Variants in ZMAT3 observed in about 807,000 individuals in gnomAD.
The protein encoded by ZMAT3 is zinc finger matrin-type 3, also known as zinc finger matrin-type protein 3.
A neutral mutation model predicts 32.3 loss-of-function variants in ZMAT3; 17 were observed. The ratio of observed to expected loss-of-function variants is 0.53; its 90% CI spans 0.36 to 0.79. The LOEUF (loss-of-function observed/expected upper bound fraction) is 0.79, where lower values mean the gene tolerates loss of function less well. Ranked by LOEUF, ZMAT3 falls within the 30% of genes least tolerant of loss-of-function variation. The pLI is 0.00. For missense variants in ZMAT3, 329 were observed against 359.7 expected, an observed-to-expected ratio of 0.91 and a Z score of 0.69; for synonymous variants, 120 against 133.1, an observed-to-expected ratio of 0.90 and a Z score of 0.68.
At chr3:179,044,052 T>C (rs1404261238) in intron 2 of ZMAT3, among the ~76,000 whole-genome samples, 1 of 152,096 alleles carries the variant, frequency 6.6e-6, no homozygotes, top group Non-Finnish European at 1.5e-5. Context: ...AGAATGGCAA[T>C]CATTAAAAAG....
chr3:179,039,261 T>C (rs1719779372), intron 2 of ZMAT3, among the ~76,000 whole-genome samples: 1 of 152,246 alleles, frequency 6.6e-6, no homozygotes, highest in South Asian at 2.1e-4. Flanking sequence ...CCTCTTCAAG[T>C]GGCTCCTTGA....
intron 2 of ZMAT3, among the ~76,000 whole-genome samples, chr3:179,037,227 G>A (rs1020693943): frequency 6.6e-6 from 1 of 152,172 alleles, no homozygotes; most frequent in African/African-American, 2.4e-5. Flanking sequence ...GGGACCGACT[G>A]AGCTGTAACA....
Position 179,019,542 on chromosome 3 carries a change from T to C in ZMAT3, c.*5475A>G, listed in dbSNP as rs759528853. On this transcript the variant is annotated 3_prime_UTR_variant, in exon 6 of 6. Coordinates refer to ENST00000311417, the MANE Select transcript of ZMAT3 (RefSeq NM_022470.4). ...TGATGGCAGAATCTAGCAGTGGTTA[T>C]ACTGCAAAGTTTTTTCAACTTTGAT... 1 of 152,170 alleles carries C rather than the reference T, an allele frequency of 6.6e-6. No individual in the cohort carries two copies. The highest frequency in any genetic ancestry group is 2.4e-5 in the African/African-American group (1 of 41,454). 9.4% of individuals were successfully genotyped at this position (152,170 alleles called of 1,614,324 possible). A position where few individuals can be genotyped will look rare whatever the true frequency, so the allele number is the denominator to read the frequency against.
rs2108525226 is a variant in ZMAT3 at position 179,019,154 on chromosome 3, A to C, written c.*5863T>G. 1 of 152,264 alleles carries C rather than the reference A, an allele frequency of 6.6e-6. No homozygotes were observed. The allele number at this position is 152,264 out of a possible 1,614,324, so 9.4% of individuals were successfully genotyped here. On this transcript the variant is annotated 3_prime_UTR_variant, in exon 6 of 6. Coordinates refer to ENST00000311417, the MANE Select transcript of ZMAT3 (RefSeq NM_022470.4). The stretch of plus-strand genomic sequence containing the variant: ...AAAAGAAAAATTATATTGAAACTTT[A>C]AAATTTATGACAAGCACTTAAAAAT...
At chr3:179,032,007 C>A (rs1161618015) in intron 2 of ZMAT3, among the ~76,000 whole-genome samples, 1 of 20,140 alleles carries the variant, frequency 5.0e-5, no homozygotes, top group Non-Finnish European at 8.7e-5. Flanking sequence ...CTCCCCCTCC[C>A]CCTCCTCCTC....
At position 179,067,629 on chromosome 3, in the gene ZMAT3, C is replaced by A; in HGVS notation, c.124G>T (p.Glu42Ter). 6.2e-7 allele frequency: 1 copy of A among 1,614,196 alleles called. No homozygotes were observed. Among genetic ancestry groups the A allele is most frequent in the Non-Finnish European group, 8.5e-7 (1 of 1,180,038 alleles). The change falls in exon 2 of 6, where the codon GAG becomes TAG. Residue 42 changes from glutamate to a stop codon, truncating the protein, a stop_gained. Coordinates refer to ENST00000311417, the MANE Select transcript of ZMAT3 (RefSeq NM_022470.4). LOFTEE classifies it high-confidence loss of function. Reference protein sequence around the residue: ...QLPPQKPFGQEASLPLAGEEE... With the variant: ...QLPPQKPFGQ The stretch of plus-strand genomic sequence containing the variant: ...TCCCCTGCAAGAGGCAAGGAAGCCT[C>A]CTGCCCAAAAGGCTTCTGTGGTGGA...
chr3:179,034,746 T>C (rs1027783529), intron 2 of ZMAT3, among the ~76,000 whole-genome samples: 2 of 152,140 alleles, frequency 1.3e-5, no homozygotes, highest in Admixed American at 6.5e-5. Flanking sequence ...TCATCCACAG[T>C]AGGTAAATGG....
chr3:179,034,415 A>T (rs1377717946), intron 2 of ZMAT3, among the ~76,000 whole-genome samples: 5 of 152,132 alleles, frequency 3.3e-5, no homozygotes, highest in Non-Finnish European at 7.4e-5. Flanking sequence ...TCCTCCTACT[A>T]TCATCTATAC....
chr3:179,030,455 C>A (rs1719119905), intron 3 of ZMAT3, among the ~76,000 whole-genome samples: 2 of 151,314 alleles, frequency 1.3e-5, no homozygotes, highest in African/African-American at 4.9e-5. Flanking sequence ...CCCGGGTTCG[C>A]ACCTTTCTCC....
chr3:179,039,559 C>A (rs1384965742), intron 2 of ZMAT3, among the ~76,000 whole-genome samples: 1 of 152,132 alleles, frequency 6.6e-6, no homozygotes, highest in Non-Finnish European at 1.5e-5. Context: ...ACGTCTACAC[C>A]AAAACCCCAT....
rs1718384983 is a variant in ZMAT3, at chr3:179,018,490, C to G, written c.*6527G>C. 1 of 151,960 alleles carries G rather than the reference C, an allele frequency of 6.6e-6. No individual in the cohort carries two copies. Among genetic ancestry groups the G allele is most frequent in the Non-Finnish European group, 1.5e-5 (1 of 67,964 alleles). 9.4% of individuals were successfully genotyped at this position (151,960 alleles called of 1,614,324 possible). A position where few individuals can be genotyped will look rare whatever the true frequency, so the allele number is the denominator to read the frequency against. ...TTAGTAAAAATATGGATTTTCCCTC[C>G]AAGGGCCCAAAGGAAGTGTTCAGTT... On this transcript the variant is annotated 3_prime_UTR_variant, in exon 6 of 6. Coordinates refer to ENST00000311417, the MANE Select transcript of ZMAT3 (RefSeq NM_022470.4).
At position 179,017,701 on chromosome 3, in the gene ZMAT3, G is replaced by C. The variant is rs1243828485; in HGVS notation, c.*7316C>G. ...AAGTTTGCCATGCCATTCAATAAAG[G>C]GTTCTAAAGCCTCCCTTGGTTTTAC... On this transcript the variant is annotated 3_prime_UTR_variant, in exon 6 of 6. Transcript: ENST00000311417. 2.0e-5 allele frequency: 3 copies of C among 152,108 alleles called. No individual in the cohort carries two copies. The highest frequency in any genetic ancestry group is 4.4e-5 in the Non-Finnish European group (3 of 68,006). The allele number at this position is 152,108 out of a possible 1,614,324, so 9.4% of individuals were successfully genotyped here.
chr3:179,046,236 A>G lies in ZMAT3; in HGVS notation c.271-15237T>C, dbSNP rs976363440. ...AAAGGCAGAAGAGGTACCCAGTACT[A>G]GTGGAGGGGTCAAGGTTAGATAGTA... On this transcript the variant is annotated intron_variant, in intron 2 of 5. Coordinates refer to ENST00000311417, the MANE Select transcript of ZMAT3 (RefSeq NM_022470.4). This position sits in a 1 kb window ranked among gnomAD's most constrained non-coding sequence, Gnocchi z 4.3. Among the ~76,000 whole-genome samples the G allele has an allele frequency of 5.3e-5, 8 of 152,230 alleles. No individual in the cohort carries two copies. The highest frequency in any genetic ancestry group is 1.2e-4 in the Non-Finnish European group (8 of 68,044).
At chr3:179,063,696 T>G (rs1576878348) in intron 2 of ZMAT3, among the ~76,000 whole-genome samples, 1 of 152,240 alleles carries the variant, frequency 6.6e-6, no homozygotes, top group Non-Finnish European at 1.5e-5. Flanking sequence ...AACAGTGGTA[T>G]GTTACCCCAT....
In ZMAT3 at chr3:179,023,345, CTTGTTAGTA is replaced by C. The variant is rs1718650722; in HGVS notation, c.*1663_*1671del. The C allele has an allele frequency of 1.3e-5, 2 of 151,884 alleles. No homozygotes were observed. The highest frequency in any genetic ancestry group is 4.8e-5 in the African/African-American group (2 of 41,444). 9.4% of individuals were successfully genotyped at this position (151,884 alleles called of 1,614,324 possible). On this transcript the variant is annotated 3_prime_UTR_variant, in exon 6 of 6. Transcript: ENST00000311417. ...AGATGCCAAAGTGATCTATCATATA[CTTGTTAGTA>C]TCTTCAAGAAAGCCGAATTACAAAG...
intron 2 of ZMAT3, among the ~76,000 whole-genome samples, chr3:179,036,624 G>A (rs1005775975): frequency 6.6e-6 from 1 of 152,066 alleles, no homozygotes; most frequent in African/African-American, 2.4e-5. Flanking sequence ...TTAAAGGTGT[G>A]GGGAGGAAAA....
intron 2 of ZMAT3, among the ~76,000 whole-genome samples, chr3:179,058,009 A>T (rs569663112): frequency 6.6e-6 from 1 of 152,314 alleles, no homozygotes; most frequent in South Asian, 2.1e-4. Context: ...AAAAACAGGA[A>T]TAGCTCTAGG....
intron 2 of ZMAT3, among the ~76,000 whole-genome samples, chr3:179,059,929 A>G (rs1721064870): frequency 6.6e-6 from 1 of 152,178 alleles, no homozygotes; most frequent in Non-Finnish European, 1.5e-5. Context: ...CTTGCAACTT[A>G]GCTCACACCC....
At chr3:179,036,385 G>A (rs1268149120) in intron 2 of ZMAT3, among the ~76,000 whole-genome samples, 1 of 152,174 alleles carries the variant, frequency 6.6e-6, no homozygotes, top group African/African-American at 2.4e-5. Flanking sequence ...AGACTCTCAG[G>A]AATGATCTGA....
Sources: allele counts gnomAD v4.1 joint callset (sites outside exome capture counted in the v4.1 genomes callset), GRCh38; gene constraint gnomAD v4.1.1; non-coding constraint Gnocchi (gnomAD v3.1); transcripts MANE v1.5; gene names NCBI Gene and HGNC (gene_info 2026-07-23, HGNC 2026-07-21).